The following IL16 variants were observed in gnomAD, a reference collection of about 807,000 sequenced individuals.
IL16 encodes the protein pro-interleukin-16.
Under a neutral mutation model 110.1 loss-of-function variants are expected in IL16, and 67 were observed. The ratio of observed to expected loss-of-function variants is 0.61; its 90% CI spans 0.50 to 0.75. The LOEUF is 0.75. Among genes scored for constraint, IL16 ranks in the 30% least tolerant of loss-of-function variants. The probability of loss-of-function intolerance (pLI) is 0.00; values close to 1 mark genes in which losing one functional copy is unlikely to be tolerated. For missense variants in IL16, 1,545 were observed against 1,655.0 expected (o/e 0.93, Z 1.15); for synonymous variants, 689 against 662.9 (o/e 1.04, Z -0.61).
rs1488145813 is a variant in IL16, at chr15:81,290,476, A to G, written c.1356A>G (p.Glu452=). The G allele has an allele frequency of 1.2e-6, 2 of 1,613,176 alleles. No homozygotes were observed. Among genetic ancestry groups the G allele is most frequent in the Non-Finnish European group, 8.5e-7 (1 of 1,179,608 alleles). Residue 452 remains glutamate, a synonymous_variant, in exon 11 of 19, where the codon GAA becomes GAG. Coordinates refer to ENST00000683961, the MANE Select transcript of IL16 (RefSeq NM_172217.5). ...AGGTCTCTGAACAGCAACTCAAAGAAGCTGTGGCCCAGGCTGTGGAAAACA... is the reference window on the plus strand; with the variant it reads ...AGGTCTCTGAACAGCAACTCAAAGAGGCTGTGGCCCAGGCTGTGGAAAACA... ...DPQVSEQQLK[E]AVAQAVENTK...
chr15:81,303,594 G>T lies in IL16; in HGVS notation c.3364G>T (p.Ala1122Ser), dbSNP rs758663263. Residue 1122 changes from alanine to serine, a missense_variant, in exon 16 of 19, where the codon GCT (alanine) becomes TCT (serine). By Grantham distance (99) the Ala-to-Ser change is moderately conservative. This residue lies in a region of IL16 where 356 missense variants were observed against 399.3 expected (regional missense o/e 0.89). Coordinates refer to ENST00000683961, the MANE Select transcript of IL16 (RefSeq NM_172217.5). The surrounding 1 kb of genome is among the most constrained non-coding windows in gnomAD (Gnocchi z 4.1). The part of the protein sequence containing the change: ...HVTILHKEEG[A>S]GLGFSLAGGA... ...CACCATCTTACACAAGGAGGAAGGT[G>T]CTGGTCTTGGGTTCAGCTTGGCAGG... The T allele has an allele frequency of 6.2e-7, 1 of 1,614,170 alleles. No individual in the cohort carries two copies. Among genetic ancestry groups the T allele is most frequent in the East Asian group, 2.2e-5 (1 of 44,890 alleles).
intron 1 of IL16, among the ~76,000 whole-genome samples, chr15:81,184,172 C>T (rs557114919): frequency 5.3e-5 from 8 of 152,330 alleles, no homozygotes; most frequent in African/African-American, 1.9e-4. Context: ...GAGGGTGGGA[C>T]TTGACCTGGT....
At chr15:81,194,068 T>G (rs1166227778), upstream of IL16, among the ~76,000 whole-genome samples, 2 of 152,202 alleles carry the variant, frequency 1.3e-5, no homozygotes, top group Non-Finnish European at 2.9e-5. Context: ...TGACCAAAAG[T>G]GTACAGCATA....
At chr15:81,233,296 C>T (rs1214092321) in intron 2 of IL16, among the ~76,000 whole-genome samples, 1 of 152,092 alleles carries the variant, frequency 6.6e-6, no homozygotes, top group Non-Finnish European at 1.5e-5. Flanking sequence ...AGTAGCACAA[C>T]CAGCATATTG....
intron 1 of IL16, among the ~76,000 whole-genome samples, chr15:81,219,480 G>A (rs1896543721): frequency 6.6e-6 from 1 of 151,876 alleles, no homozygotes; most frequent in Non-Finnish European, 1.5e-5. Flanking sequence ...TACTGATTGG[G>A]AAATCCCTTT....
intron 9 of IL16, among the ~76,000 whole-genome samples, chr15:81,285,332 A>G (rs1306756823): frequency 6.6e-6 from 1 of 152,166 alleles, no homozygotes; most frequent in Non-Finnish European, 1.5e-5. Context: ...CAAGGAGAGG[A>G]TGTGGTGGAT....
intron 1 of IL16, among the ~76,000 whole-genome samples, chr15:81,216,458 A>G (rs1287600675): frequency 6.6e-6 from 1 of 151,594 alleles, no homozygotes; most frequent in Non-Finnish European, 1.5e-5. Flanking sequence ...CTTCAGCATC[A>G]CTTCTACCCA....
rs1029484327 is a variant in IL16 at position 81,269,613 on chromosome 15, A to T, written c.640A>T (p.Ile214Phe). 6.2e-7 allele frequency: 1 copy of T among 1,613,982 alleles called. No individual in the cohort carries two copies. The highest frequency in any genetic ancestry group is 8.5e-7 in the Non-Finnish European group (1 of 1,179,904). Residue 214 changes from isoleucine (I) to phenylalanine (F), a missense_variant, in exon 5 of 19, where the codon ATC (isoleucine) becomes TTC (phenylalanine). This residue lies in a region of IL16 where 1,185 missense variants were observed against 1,238.8 expected (regional missense o/e 0.96). Coordinates refer to ENST00000683961, the MANE Select transcript of IL16 (RefSeq NM_172217.5). The part of the protein sequence containing the change: ...QPSGGLQASV[I>F]SNIVLMKGQA... Reference sequence around the variant, plus strand: ...ATCTGGGGGCCTCCAGGCTTCAGTCATCTCCAACATCGTGCTGATGAAGGG... The same window carrying T: ...ATCTGGGGGCCTCCAGGCTTCAGTCTTCTCCAACATCGTGCTGATGAAGGG...
chr15:81,189,113 C>T (rs1024994050), intron 1 of IL16, among the ~76,000 whole-genome samples: 1 of 145,024 alleles, frequency 6.9e-6, no homozygotes, highest in Non-Finnish European at 1.5e-5. Flanking sequence ...GCCACCATGC[C>T]AAGATAATTT....
chr15:81,254,417 T>A (rs565637431), intron 2 of IL16, among the ~76,000 whole-genome samples: 1 of 152,308 alleles, frequency 6.6e-6, no homozygotes, highest in South Asian at 2.1e-4. Context: ...TTTGTTTTTT[T>A]CCCCATTTCT....
chr15:81,280,828 T>C (rs1002244201), intron 8 of IL16, among the ~76,000 whole-genome samples: 1 of 152,222 alleles, frequency 6.6e-6, no homozygotes, highest in African/African-American at 2.4e-5. Flanking sequence ...TGTGCTGGCA[T>C]GGTCCCAACA....
At chr15:81,230,551 A>G (rs1896936002) in intron 2 of IL16, among the ~76,000 whole-genome samples, 1 of 152,166 alleles carries the variant, frequency 6.6e-6, no homozygotes, top group Non-Finnish European at 1.5e-5. Context: ...AGGTGTAAGC[A>G]TAGTTAATTC....
At chr15:81,305,694 T>C (rs1026520713) in intron 16 of IL16, 2 of 591,384 alleles carry the variant, frequency 3.4e-6, no homozygotes, top group Non-Finnish European at 6.0e-6. Context: ...TCTGAGGGCT[T>C]ACCTGGTCAT....
At chr15:81,282,878 G>T (rs1178240089) in intron 9 of IL16, 122 bp downstream of exon 9, 2 of 829,526 alleles carry the variant, frequency 2.4e-6, no homozygotes, top group Non-Finnish European at 4.0e-6. Flanking sequence ...GTGGAGATCA[G>T]CCGCTCCGCC....
intron 2 of IL16, among the ~76,000 whole-genome samples, chr15:81,238,431 T>C (rs949902785): frequency 6.6e-5 from 10 of 152,330 alleles, no homozygotes; most frequent in African/African-American, 2.4e-4. Context: ...ATAGTTTTCA[T>C]AGTGGTTGCT....
Position 81,285,709 on chromosome 15 carries a change from A to C in IL16, c.1211A>C (p.Glu404Ala), listed in dbSNP as rs768432125. 3.1e-6 allele frequency: 5 copies of C among 1,614,010 alleles called. No homozygotes were observed. The African/African-American group carries it at 6.7e-5, about 22-fold the overall frequency. The change falls in exon 10 of 19, where the codon GAG becomes GCG. Residue 404 changes from glutamate to alanine, a missense_variant. Around this residue, in one of 3 missense-constraint regions of IL16, gnomAD observed 1,185 missense variants for 1,238.8 expected, o/e 0.96. Coordinates refer to ENST00000683961, the MANE Select transcript of IL16 (RefSeq NM_172217.5). ...HLDGRLRCGDEIVEISDSPVH... is the reference protein window; with the variant it reads ...HLDGRLRCGDAIVEISDSPVH... ...TGATGCTTGCACAGGTGTGGGGACG[A>C]GATTGTGGAAATCAGTGATTCCCCT... is the stretch of plus-strand genomic sequence containing the variant.
intron 1 of IL16, among the ~76,000 whole-genome samples, chr15:81,218,881 A>G (rs577767755): frequency 6.6e-6 from 1 of 151,908 alleles, no homozygotes; most frequent in Non-Finnish European, 1.5e-5. Flanking sequence ...AAAATCTCCC[A>G]TTCATATACA....
chr15:81,225,936 A>G (rs1025068750), intron 2 of IL16, among the ~76,000 whole-genome samples: 4 of 152,206 alleles, frequency 2.6e-5, no homozygotes, highest in South Asian at 2.1e-4. Context: ...GGGAAGCACT[A>G]TGTCACTCCA....
At chr15:81,278,564 A>T (rs1250895957) in intron 6 of IL16, among the ~76,000 whole-genome samples, 2 of 152,200 alleles carry the variant, frequency 1.3e-5, no homozygotes, top group African/African-American at 4.8e-5. Context: ...GGCAAGGACC[A>T]TATCCAGCCA....
Sources: allele counts gnomAD v4.1 joint callset (sites outside exome capture counted in the v4.1 genomes callset), GRCh38; gene constraint gnomAD v4.1.1; regional missense constraint gnomAD v4.1.1; non-coding constraint Gnocchi (gnomAD v3.1); transcripts MANE v1.5; gene names NCBI Gene and HGNC (gene_info 2026-07-23, HGNC 2026-07-21).